Variants in DIPK1B observed in about 807,000 individuals in gnomAD.
DIPK1B encodes the protein divergent protein kinase domain 1B.
DIPK1B carries 17 observed loss-of-function variants against 20.7 expected under a neutral mutation model. The observed-to-expected ratio is 0.82, with a 90% CI of 0.56 to 1.23. DIPK1B has a LOEUF of 1.23. DIPK1B is among the 50% of genes most tolerant of loss of function. The probability of loss-of-function intolerance (pLI) is 0.00; values close to 1 mark genes in which losing one functional copy is unlikely to be tolerated. For missense variants in DIPK1B, 648 were observed against 601.8 expected (o/e 1.08, Z -0.80); for synonymous variants, 343 against 276.5 (o/e 1.24, Z -2.39).
At chr9:136,719,740 C>G (rs1267132011) in intron 2 of DIPK1B, among the ~76,000 whole-genome samples, 4 of 152,194 alleles carry the variant, frequency 2.6e-5, no homozygotes. Context: ...CTGGGGGACC[C>G]TGGAGCCCCA....
intron 2 of DIPK1B, among the ~76,000 whole-genome samples, chr9:136,719,766 T>C (rs1022566694): frequency 5.3e-5 from 8 of 152,188 alleles, no homozygotes; most frequent in Admixed American, 2.0e-4. Context: ...AGCCCCAGCC[T>C]GGCAGACAGC....
Position 136,723,670 on chromosome 9 carries a change from A to G in DIPK1B, c.1192A>G (p.Thr398Ala). The change falls in exon 5 of 5, where the codon ACG becomes GCG. Residue 398 changes from threonine to alanine, a missense_variant. Coordinates refer to ENST00000371692, the MANE Select transcript of DIPK1B (RefSeq NM_152421.4). ...GGGCACACAGCTGCGCACCTGTACC[A>G]CGCTGAGCGGGCTGGCCAGCCAGGT... Reference protein sequence around the residue: ...ELGTQLRTCTTLSGLASQVEA... With the variant: ...ELGTQLRTCTALSGLASQVEA... 2 of 1,549,302 alleles carry G rather than the reference A, an allele frequency of 1.3e-6. No individual in the cohort carries two copies. The highest frequency in any genetic ancestry group is 1.7e-6 in the Non-Finnish European group (2 of 1,150,744).
At position 136,723,662 on chromosome 9, in the gene DIPK1B, C is replaced by G; in HGVS notation, c.1184C>G (p.Thr395Ser). ...GAGGAGCTGGGCACACAGCTGCGCA[C>G]CTGTACCACGCTGAGCGGGCTGGCC... Reference protein sequence around the residue: ...LREELGTQLRTCTTLSGLASQ... With the variant: ...LREELGTQLRSCTTLSGLASQ... The change falls in exon 5 of 5, where the codon ACC becomes AGC. Residue 395 changes from threonine to serine, a missense_variant. By Grantham distance (58) the Thr-to-Ser change is moderately conservative (BLOSUM62 1). Transcript: ENST00000371692. The G allele has an allele frequency of 6.4e-7, 1 of 1,555,080 alleles. No individual in the cohort carries two copies. Among genetic ancestry groups the G allele is most frequent in the Non-Finnish European group, 8.7e-7 (1 of 1,153,202 alleles).
rs2131049771 is a variant in DIPK1B, at chr9:136,723,488, G to A, written c.1010G>A (p.Ser337Asn). Residue 337 changes from serine (S) to asparagine (N), a missense_variant, in exon 5 of 5, where the codon AGC becomes AAC. Coordinates refer to ENST00000371692, the MANE Select transcript of DIPK1B (RefSeq NM_152421.4). The part of the protein sequence containing the change: ...RFLQGRRCEH[S>N]TDCTYGRDCR... Reference sequence around the variant, plus strand: ...CTGCAGGGCCGCCGCTGCGAGCACAGCACCGACTGCACCTACGGGCGCGAC... The same window carrying A: ...CTGCAGGGCCGCCGCTGCGAGCACAACACCGACTGCACCTACGGGCGCGAC... 1 of 1,609,280 alleles carries A rather than the reference G, an allele frequency of 6.2e-7. No individual in the cohort carries two copies. The highest frequency in any genetic ancestry group is 8.5e-7 in the Non-Finnish European group (1 of 1,178,102).
intron 2 of DIPK1B, among the ~76,000 whole-genome samples, chr9:136,719,362 G>A (rs939283033): frequency 2.6e-5 from 4 of 152,138 alleles, no homozygotes; most frequent in Admixed American, 2.6e-4. Flanking sequence ...CAGCTCTCCC[G>A]AAGCCACCCC....
chr9:136,720,669 C>G (rs1846584696), intron 2 of DIPK1B, among the ~76,000 whole-genome samples: 1 of 152,208 alleles, frequency 6.6e-6, no homozygotes, highest in Admixed American at 6.5e-5. Flanking sequence ...CAGGGAAGGA[C>G]AGGCCCGGAG....
At chr9:136,719,681 G>C (rs916545192) in intron 2 of DIPK1B, among the ~76,000 whole-genome samples, 14 of 152,244 alleles carry the variant, frequency 9.2e-5, no homozygotes, top group African/African-American at 3.1e-4. Flanking sequence ...CACTCTGCTA[G>C]GTGCTGGTAG....
At position 136,715,741 on chromosome 9, in the gene DIPK1B, C is replaced by T. The variant is rs544349450; in HGVS notation, c.64-1836C>T. 1.3e-3 allele frequency among the ~76,000 whole-genome samples: 192 copies of T among 152,202 alleles called. 3 individuals are homozygous for T. The highest frequency in any genetic ancestry group is 0.011 in the Admixed American group (168 of 15,276). ...GTTGGTCAGGCTGGTCTCCAACTCC[C>T]GACCTCAGGTGATCTGCCTGCCTCG... On this transcript the variant is annotated intron_variant, in intron 1 of 4. Coordinates refer to ENST00000371692, the MANE Select transcript of DIPK1B (RefSeq NM_152421.4).
intron 3 of DIPK1B, 35 bp from the exon 4 acceptor site, chr9:136,722,090 A>G: frequency 1.2e-6 from 2 of 1,612,738 alleles, no homozygotes; most frequent in Non-Finnish European, 8.5e-7. Flanking sequence ...TGGGAGGGGG[A>G]TGTCTGCACG....
At chr9:136,719,478 A>G (rs9411218) in intron 2 of DIPK1B, among the ~76,000 whole-genome samples, 142,236 of 152,300 alleles carry the variant, frequency 0.93, 66,630 homozygotes, top group East Asian at 1. Flanking sequence ...AGCGCACACA[A>G]CGAGGCAGCA....
At chr9:136,718,399 A>G (rs1292297652) in intron 2 of DIPK1B, among the ~76,000 whole-genome samples, 1 of 152,164 alleles carries the variant, frequency 6.6e-6, no homozygotes, top group Non-Finnish European at 1.5e-5. Context: ...AGATAGGGCT[A>G]AGTCCCCTGG....
In DIPK1B at chr9:136,723,854, A is replaced by G; in HGVS notation, c.*80A>G. On this transcript the variant is annotated 3_prime_UTR_variant, in exon 5 of 5. Transcript: ENST00000371692. Reference sequence around the variant, plus strand: ...CAACCCTCCCTCAAGGAATCCTGTCAGAAGATGTGAAATGCAACTGTGTTG... The same window carrying G: ...CAACCCTCCCTCAAGGAATCCTGTCGGAAGATGTGAAATGCAACTGTGTTG... The G allele has an allele frequency of 1.4e-6, 2 of 1,388,502 alleles. No homozygotes were observed. Among genetic ancestry groups the G allele is most frequent in the Non-Finnish European group, 1.9e-6 (2 of 1,036,540 alleles). The allele number at this position is 1,388,502 out of a possible 1,614,324, so 86.0% of individuals were successfully genotyped here. A position where few individuals can be genotyped will look rare whatever the true frequency, so the allele number is the denominator to read the frequency against.
At chr9:136,716,767 C>G (rs926071795) in intron 1 of DIPK1B, among the ~76,000 whole-genome samples, 33 of 152,140 alleles carry the variant, frequency 2.2e-4, no homozygotes, top group South Asian at 2.1e-4. Context: ...TTCTCCAAAC[C>G]TGGTTCTCCT....
chr9:136,715,472 C>T (rs1250536018), intron 1 of DIPK1B, among the ~76,000 whole-genome samples: 1 of 152,032 alleles, frequency 6.6e-6, no homozygotes, highest in Non-Finnish European at 1.5e-5. Flanking sequence ...GGCTCCCAGA[C>T]ATCTGGGTCA....
rs2131050457 is a variant in DIPK1B at position 136,723,933 on chromosome 9, A to AC, written c.*163dup. On this transcript the variant is annotated 3_prime_UTR_variant, in exon 5 of 5. Transcript: ENST00000371692. Reference sequence around the variant, plus strand: ...TGGATTCCAGCACCACAGACATGAGACCCCAGCTCGGAGCAAAGGCGGACA... The same window carrying AC: ...TGGATTCCAGCACCACAGACATGAGACCCCCAGCTCGGAGCAAAGGCGGACA... 4 of 761,620 alleles carry AC rather than the reference A, an allele frequency of 5.3e-6. 1 individual carries two copies. In the East Asian group the frequency reaches 8.1e-5, roughly 16 times the overall value. The allele number at this position is 761,620 out of a possible 1,614,324, so 47.2% of individuals were successfully genotyped here. A position where few individuals can be genotyped will look rare whatever the true frequency, so the allele number is the denominator to read the frequency against.
intron 1 of DIPK1B, among the ~76,000 whole-genome samples, chr9:136,716,626 C>T (rs1846500354): frequency 6.6e-6 from 1 of 152,020 alleles, no homozygotes; most frequent in African/African-American, 2.4e-5. Flanking sequence ...GTCTCAAACT[C>T]CTGGGCTCAA....
At chr9:136,714,602 G>T (rs1846471065) in intron 1 of DIPK1B, among the ~76,000 whole-genome samples, 1 of 152,204 alleles carries the variant, frequency 6.6e-6, no homozygotes, top group African/African-American at 2.4e-5. Flanking sequence ...ACCTTATCCT[G>T]CCAGAACAAC....
chr9:136,722,597 T>C (rs1846624664), intron 4 of DIPK1B: 8 of 556,622 alleles, frequency 1.4e-5, no homozygotes, highest in Middle Eastern at 4.8e-4. Context: ...GACCAGGGCT[T>C]GTGGAAAGGG....
At position 136,712,792 on chromosome 9, in the gene DIPK1B, C is replaced by G. The variant is rs1255085946; in HGVS notation, c.63+64C>G. The G allele has an allele frequency of 4.7e-5, 55 of 1,170,180 alleles. No homozygotes were observed. Among genetic ancestry groups the G allele is most frequent in the Non-Finnish European group, 5.8e-5 (53 of 921,120 alleles). 72.5% of individuals were successfully genotyped at this position (1,170,180 alleles called of 1,614,324 possible). ...GCCTGGGGAGGCCGAGCTCCAGCCC[C>G]GGAGTGGGCCGAGTACGGAGCGGGG... On this transcript the variant is annotated intron_variant, in intron 1 of 4. Coordinates refer to ENST00000371692, the MANE Select transcript of DIPK1B (RefSeq NM_152421.4). The surrounding 1 kb of genome is among the most constrained non-coding windows in gnomAD (Gnocchi z 5.6).
Sources: gnomAD v4.1 joint callset for allele counts (sites outside exome capture counted in the v4.1 genomes callset) on GRCh38, gnomAD v4.1.1 for gene constraint, Gnocchi (gnomAD v3.1) non-coding constraint, MANE v1.5 for transcripts, NCBI Gene and HGNC (gene_info 2026-07-23, HGNC 2026-07-21) for gene names.